Variants in KDM1A observed in about 807,000 individuals in gnomAD.
KDM1A encodes the protein lysine demethylase 1A, also known as lysine-specific histone demethylase 1A.
Under a neutral mutation model 109.4 loss-of-function variants are expected in KDM1A, and 49 were observed. The ratio of observed to expected loss-of-function variants is 0.45; its 90% CI spans 0.36 to 0.57. KDM1A has a LOEUF of 0.57. Among genes scored for constraint, KDM1A ranks in the 20% least tolerant of loss-of-function variants. The pLI, the probability that KDM1A is intolerant of heterozygous loss-of-function variation, is 0.00. For synonymous variants in KDM1A, 380 were observed against 415.4 expected (o/e 0.91, Z 1.04); for missense variants, 668 against 1,116.6 (o/e 0.60, Z 5.73).
At position 23,077,457 on chromosome 1, in the gene KDM1A, T is replaced by TAA; in HGVS notation, c.1867+97_1867+98insAA. 3.1e-6 allele frequency: 4 copies of TAA among 1,273,582 alleles called. No individual in the cohort carries two copies. In the South Asian group the frequency reaches 6.7e-5, roughly 21 times the overall value. The allele number at this position is 1,273,582 out of a possible 1,614,324, so 78.9% of individuals were successfully genotyped here. On this transcript the variant is annotated intron_variant, in intron 16 of 20. Coordinates refer to ENST00000400181, the MANE Select transcript of KDM1A (RefSeq NM_001009999.3). ...CTATCAGGTACATTTCCTGATAGAG[T>TAA]GTTTATGACACCATAGGTAAAAATT...
intron 9 of KDM1A, among the ~76,000 whole-genome samples, chr1:23,064,356 T>G (rs1033203307): frequency 6.6e-6 from 1 of 152,212 alleles, no homozygotes; most frequent in African/African-American, 2.4e-5. Flanking sequence ...ATCTTCTGCT[T>G]TACCATAATT....
intron 2 of KDM1A, among the ~76,000 whole-genome samples, chr1:23,042,743 C>T (rs937838507): frequency 2.0e-5 from 3 of 149,394 alleles, no homozygotes; most frequent in African/African-American, 5.0e-5. Context: ...TGAGCCACCG[C>T]GCCCGGCCTA....
chr1:23,080,459 G>T (rs1643585908), intron 18 of KDM1A, among the ~76,000 whole-genome samples: 1 of 152,152 alleles, frequency 6.6e-6, no homozygotes, highest in Non-Finnish European at 1.5e-5. Flanking sequence ...CCTGTTGCCT[G>T]GACGGTTACC....
chr1:23,063,978 C>G (rs1643092079), intron 9 of KDM1A, among the ~76,000 whole-genome samples: 1 of 152,174 alleles, frequency 6.6e-6, no homozygotes, highest in Admixed American at 6.5e-5. Context: ...GCCTTGCCCT[C>G]CTGGGCTAAA....
chr1:23,047,384 T>C (rs1642532225), intron 3 of KDM1A, among the ~76,000 whole-genome samples: 1 of 152,190 alleles, frequency 6.6e-6, no homozygotes, highest in African/African-American at 2.4e-5. Context: ...GAATAGCTAG[T>C]TTTCTTAGAT....
In KDM1A at chr1:23,068,587, C is replaced by T. The variant is rs1245551985; in HGVS notation, c.1228C>T (p.Leu410=). The part of the protein sequence containing the change: ...EMVEQEFNRL[L]EATSYLSHQL... ...GGTAGAGCAAGAGTTTAACCGGTTG[C>T]TAGAAGCTACATCTTACCTTAGTCA... The change falls in exon 11 of 21, where the codon CTA becomes TTA. Residue 410 remains leucine (L), a synonymous_variant. Coordinates refer to ENST00000400181, the MANE Select transcript of KDM1A (RefSeq NM_001009999.3). 6.2e-7 allele frequency: 1 copy of T among 1,605,288 alleles called. No homozygotes were observed. Among genetic ancestry groups the T allele is most frequent in the Non-Finnish European group, 8.5e-7 (1 of 1,177,984 alleles).
chr1:23,082,843 C>T (rs1298010949), intron 20 of KDM1A: 2 of 223,582 alleles, frequency 8.9e-6, no homozygotes, highest in Non-Finnish European at 1.8e-5. Context: ...TCCCTGATCA[C>T]CAAATGTCCT....
intron 2 of KDM1A, among the ~76,000 whole-genome samples, chr1:23,042,192 G>A (rs1642356012): frequency 6.6e-6 from 1 of 152,090 alleles, no homozygotes; most frequent in East Asian, 1.9e-4. Flanking sequence ...GTTTTTAGTG[G>A]TGAGATACCT....
intron 2 of KDM1A, among the ~76,000 whole-genome samples, chr1:23,036,444 G>GCCCCCCC (rs5773033): frequency 6.6e-5 from 8 of 121,700 alleles, no homozygotes; most frequent in Admixed American, 1.8e-4. Flanking sequence ...TTCTTGCCAC[G>GCCCCCCC]CCCCCCCCCT....
intron 2 of KDM1A, among the ~76,000 whole-genome samples, chr1:23,033,750 G>T (rs1642060088): frequency 6.6e-6 from 1 of 152,210 alleles, no homozygotes. Context: ...AAGCCAGAAT[G>T]GTGGGAGCCA....
chr1:23,070,918 G>C (rs1414071365), intron 12 of KDM1A, among the ~76,000 whole-genome samples: 1 of 152,088 alleles, frequency 6.6e-6, no homozygotes, highest in African/African-American at 2.4e-5. Flanking sequence ...TCAATACTGG[G>C]TTTTTTCTTT....
Position 23,055,074 on chromosome 1 carries a change from A to G in KDM1A, c.796A>G (p.Thr266Ala). The change falls in exon 6 of 21, where the codon ACT becomes GCT. Residue 266 changes from threonine to alanine, a missense_variant. Physicochemically the swap from Thr to Ala is moderately conservative, Grantham distance 58 (BLOSUM62 0). Coordinates refer to ENST00000400181, the MANE Select transcript of KDM1A (RefSeq NM_001009999.3). ...QQLEAPYNSDTVLVHRVHSYL... is the reference protein window; with the variant it reads ...QQLEAPYNSDAVLVHRVHSYL... ...TTAATCCACTTATTCTGTAGGTGAT[A>G]CTGTGCTTGTCCACCGAGTTCACAG... The G allele has an allele frequency of 6.2e-7, 1 of 1,602,126 alleles. No individual in the cohort carries two copies. The highest frequency in any genetic ancestry group is 2.2e-5 in the East Asian group (1 of 44,512).
At chr1:23,042,369 G>T (rs1199200542) in intron 2 of KDM1A, among the ~76,000 whole-genome samples, 1 of 145,964 alleles carries the variant, frequency 6.9e-6, no homozygotes, top group African/African-American at 2.5e-5. Context: ...TCAGTTTTCT[G>T]ATCCAGCTTG....
intron 1 of KDM1A, among the ~76,000 whole-genome samples, chr1:23,028,262 C>T (rs1322361874): frequency 6.6e-6 from 1 of 152,146 alleles, no homozygotes; most frequent in African/African-American, 2.4e-5. Context: ...GGTCCTCCTG[C>T]CTTGGCATCT....
intron 9 of KDM1A, among the ~76,000 whole-genome samples, chr1:23,064,675 T>C (rs1643111544): frequency 1.3e-5 from 2 of 152,200 alleles, no homozygotes; most frequent in Non-Finnish European, 2.9e-5. Flanking sequence ...TCTTGCAGGA[T>C]TGGGGACCTT....
In KDM1A at chr1:23,079,405, A is replaced by AC; in HGVS notation, c.2056-148_2056-147insC. Reference sequence around the variant, plus strand: ...GGGGTCATTTCACAAACTCAGGCCTATAAAAAGGGGATCGTAAATGTCATC... The same window carrying AC: ...GGGGTCATTTCACAAACTCAGGCCTACTAAAAAGGGGATCGTAAATGTCATC... On this transcript the variant is annotated intron_variant, in intron 17 of 20. Transcript: ENST00000400181. The surrounding 1 kb of genome is among the most constrained non-coding windows in gnomAD (Gnocchi z 5.6). 1.4e-6 allele frequency: 1 copy of AC among 713,760 alleles called. No individual in the cohort carries two copies. Among genetic ancestry groups the AC allele is most frequent in the Non-Finnish European group, 2.3e-6 (1 of 427,726 alleles). 44.2% of individuals were successfully genotyped at this position (713,760 alleles called of 1,614,324 possible). A position where few individuals can be genotyped will look rare whatever the true frequency, so the allele number is the denominator to read the frequency against.
intron 8 of KDM1A, among the ~76,000 whole-genome samples, chr1:23,058,471 T>C (rs1642903539): frequency 6.6e-6 from 1 of 152,140 alleles, no homozygotes. Context: ...GCTTTAGAAA[T>C]CTAAAGAGAT....
At position 23,044,416 on chromosome 1, in the gene KDM1A, T is replaced by C; in HGVS notation, c.518-11T>C. 1 of 1,612,556 alleles carries C rather than the reference T, an allele frequency of 6.2e-7. No individual in the cohort carries two copies. On this transcript the variant is annotated splice_polypyrimidine_tract_variant and intron_variant, in intron 2 of 20. Transcript: ENST00000400181. ...AGTAAGGTCCCTGAGTTCTCCTCTT[T>C]CCTTCCACAGGGCAAGCAGGAGGAC...
rs749089899 is a variant in KDM1A at position 23,079,200 on chromosome 1, G to A, written c.2055+23G>A. On this transcript the variant is annotated intron_variant, in intron 17 of 20. Coordinates refer to ENST00000400181, the MANE Select transcript of KDM1A (RefSeq NM_001009999.3). This position sits in a 1 kb window ranked among gnomAD's most constrained non-coding sequence, Gnocchi z 5.6. Reference sequence around the variant, plus strand: ...AAGGTAGCTTGCCCTAGACACTCCTGTCTACAGATCTGATGTACAAATAGC... The same window carrying A: ...AAGGTAGCTTGCCCTAGACACTCCTATCTACAGATCTGATGTACAAATAGC... 3.1e-6 allele frequency: 5 copies of A among 1,609,350 alleles called. No individual in the cohort carries two copies. Among genetic ancestry groups the A allele is most frequent in the Non-Finnish European group, 4.2e-6 (5 of 1,176,952 alleles).
Sources: gnomAD v4.1 joint callset for allele counts (sites outside exome capture counted in the v4.1 genomes callset) on GRCh38, gnomAD v4.1.1 for gene constraint, Gnocchi (gnomAD v3.1) non-coding constraint, MANE v1.5 for transcripts, NCBI Gene and HGNC (gene_info 2026-07-23, HGNC 2026-07-21) for gene names.